CSMD1: variants seen among roughly 807,000 people sequenced by gnomAD.
The protein encoded by CSMD1 is CUB and sushi domain-containing protein 1.
Under a neutral mutation model 417.5 loss-of-function variants are expected in CSMD1, and 213 were observed. That is an observed-to-expected ratio of 0.51 (90% CI 0.46 to 0.57). The LOEUF is 0.57. Ranked by LOEUF, CSMD1 falls within the 20% of genes least tolerant of loss-of-function variation. The pLI, the probability that CSMD1 is intolerant of heterozygous loss-of-function variation, is 0.00. For synonymous variants in CSMD1, 2,862 were observed against 1,736.8 expected (o/e 1.65, Z -16.11); for missense variants, 6,923 against 4,529.7 (o/e 1.53, Z -15.17).
chr8:4,206,310 C>A (rs1193516203), intron 3 of CSMD1, among the ~76,000 whole-genome samples: 1 of 152,064 alleles, frequency 6.6e-6, no homozygotes, highest in African/African-American at 2.4e-5. Flanking sequence ...TTGTCATTTA[C>A]ATTAGGTATA....
chr8:4,203,107 C>A (rs984291603), intron 3 of CSMD1, among the ~76,000 whole-genome samples: 1 of 152,114 alleles, frequency 6.6e-6, no homozygotes, highest in Non-Finnish European at 1.5e-5. Flanking sequence ...GTGTGGGTTC[C>A]CTGTTGTCAT....
intron 7 of CSMD1, among the ~76,000 whole-genome samples, chr8:3,673,026 A>G (rs1362593235): frequency 1.3e-5 from 2 of 152,190 alleles, no homozygotes; most frequent in Non-Finnish European, 2.9e-5. Context: ...TTTAAGGTTC[A>G]TTTCATCTCT....
intron 50 of CSMD1, among the ~76,000 whole-genome samples, chr8:3,032,173 G>A (rs1310746693): frequency 1.3e-5 from 2 of 151,942 alleles, no homozygotes; most frequent in Non-Finnish European, 2.9e-5. Context: ...ACTGAAGGAT[G>A]AGAGTGGAAG....
chr8:4,277,039 G>C (rs1796526147), intron 3 of CSMD1, among the ~76,000 whole-genome samples: 1 of 152,030 alleles, frequency 6.6e-6, no homozygotes. Flanking sequence ...AAATTACCAG[G>C]ATGCCATCAG....
chr8:3,958,114 C>G (rs969821471), intron 5 of CSMD1, among the ~76,000 whole-genome samples: 10 of 152,140 alleles, frequency 6.6e-5, no homozygotes, highest in African/African-American at 2.4e-4. Context: ...AAAAAGTCAA[C>G]ATGTTAATGA....
chr8:4,290,142 T>A (rs1049100178), intron 3 of CSMD1, among the ~76,000 whole-genome samples: 3 of 152,074 alleles, frequency 2.0e-5, no homozygotes, highest in African/African-American at 7.2e-5. Context: ...CAGGGAGTGG[T>A]GAGGAAATGC....
chr8:3,189,867 C>A, intron 34 of CSMD1, 45 bp downstream of exon 34: 3 of 1,488,272 alleles, frequency 2.0e-6, no homozygotes, highest in South Asian at 1.2e-5. Flanking sequence ...CTCTTTGGCA[C>A]CACCACAGAG....
intron 12 of CSMD1, among the ~76,000 whole-genome samples, chr8:3,428,630 A>C (rs1296146459): frequency 6.6e-6 from 1 of 152,188 alleles, no homozygotes; most frequent in African/African-American, 2.4e-5. Context: ...TACAGCCACC[A>C]TGGAAAACAG....
At chr8:3,886,291 C>G (rs372801039) in intron 5 of CSMD1, among the ~76,000 whole-genome samples, 78 of 152,236 alleles carry the variant, frequency 5.1e-4, no homozygotes, top group African/African-American at 1.6e-3. Context: ...TCAAGTAATC[C>G]GACTGCCTCA....
intron 1 of CSMD1, among the ~76,000 whole-genome samples, chr8:4,777,324 A>G (rs1267819693): frequency 7.2e-5 from 11 of 152,216 alleles, no homozygotes; most frequent in African/African-American, 2.7e-4. Flanking sequence ...AACTGGGACT[A>G]GTAAATGAGA....
rs544207024 is a variant in CSMD1 at position 4,444,396 on chromosome 8, G to C, written c.303-24331C>G. ...AAAAAAGCAGAGGTTCTTGGAGTAGGTCATGCTGAATGTGGTGCTCAAAAA... is the reference window on the plus strand; with the variant it reads ...AAAAAAGCAGAGGTTCTTGGAGTAGCTCATGCTGAATGTGGTGCTCAAAAA... On this transcript the variant is annotated intron_variant, in intron 2 of 69. Coordinates refer to ENST00000635120, the MANE Select transcript of CSMD1 (RefSeq NM_033225.6). Among the ~76,000 whole-genome samples, 6 of 143,232 alleles carry C rather than the reference G, an allele frequency of 4.2e-5. No individual in the cohort carries two copies. In the South Asian group the frequency reaches 1.3e-3, roughly 32 times the overall value. 94.0% of individuals were successfully genotyped at this position (143,232 alleles called of 152,430 possible). A position where few individuals can be genotyped will look rare whatever the true frequency, so the allele number is the denominator to read the frequency against.
At chr8:3,332,590 C>G (rs1353392810) in intron 23 of CSMD1, among the ~76,000 whole-genome samples, 1 of 152,232 alleles carries the variant, frequency 6.6e-6, no homozygotes. Context: ...TTTCCTGAAA[C>G]TTTAAAAGTA....
chr8:3,929,978 A>C (rs1810028966), intron 5 of CSMD1, among the ~76,000 whole-genome samples: 1 of 150,272 alleles, frequency 6.7e-6, no homozygotes. Context: ...ATATGATTAA[A>C]TTTTTAAAAA....
At chr8:4,103,477 G>A (rs975013404) in intron 3 of CSMD1, among the ~76,000 whole-genome samples, 16 of 150,310 alleles carry the variant, frequency 1.1e-4, no homozygotes, top group African/African-American at 3.2e-4. Context: ...TTTAAAAAGG[G>A]TTTTACATAT....
At chr8:2,952,140 T>C (rs569252566) in intron 65 of CSMD1, among the ~76,000 whole-genome samples, 1 of 152,310 alleles carries the variant, frequency 6.6e-6, no homozygotes, top group South Asian at 2.1e-4. Context: ...TAAATTCACA[T>C]GATGATTTCA....
intron 7 of CSMD1, among the ~76,000 whole-genome samples, chr8:3,656,774 A>C (rs1798132449): frequency 6.6e-6 from 1 of 152,072 alleles, no homozygotes. Context: ...AAAAATCCAA[A>C]AATTAGGCAG....
intron 2 of CSMD1, among the ~76,000 whole-genome samples, chr8:4,450,900 A>T (rs1383626995): frequency 1.3e-5 from 2 of 152,222 alleles, no homozygotes; most frequent in Admixed American, 6.5e-5. Context: ...TAATATAAAA[A>T]TTAAAATTAA....
intron 4 of CSMD1, among the ~76,000 whole-genome samples, chr8:3,999,966 A>C (rs998357197): frequency 6.6e-6 from 1 of 152,236 alleles, no homozygotes; most frequent in Admixed American, 6.5e-5. Context: ...TGCACAGATT[A>C]TAAAAATTAT....
chr8:4,231,322 C>T (rs934154874), intron 3 of CSMD1, among the ~76,000 whole-genome samples: 3 of 152,168 alleles, frequency 2.0e-5, no homozygotes, highest in African/African-American at 7.2e-5. Context: ...ATGGGTCCAA[C>T]CTCACATATG....
Sources: gnomAD v4.1 joint callset for allele counts (sites outside exome capture counted in the v4.1 genomes callset) on GRCh38, gnomAD v4.1.1 for gene constraint, MANE v1.5 for transcripts, NCBI Gene and HGNC (gene_info 2026-07-23, HGNC 2026-07-21) for gene names.